Variants in LRSAM1 observed in about 807,000 individuals in gnomAD.
LRSAM1 encodes the protein E3 ubiquitin-protein ligase LRSAM1.
Under a neutral mutation model 118.1 loss-of-function variants are expected in LRSAM1, and 96 were observed. The ratio of observed to expected loss-of-function variants is 0.81; its 90% CI spans 0.69 to 0.96. LRSAM1 has a LOEUF of 0.96. LRSAM1 is among the 40% of genes least tolerant of loss of function. The pLI, the probability that LRSAM1 is intolerant of heterozygous loss-of-function variation, is 0.00. For synonymous variants in LRSAM1, 322 were observed against 364.2 expected (o/e 0.88, Z 1.32); for missense variants, 804 against 915.5 (o/e 0.88, Z 1.57).
chr9:127,489,485 G>A lies in LRSAM1; in HGVS notation c.1389G>A (p.Lys463=). 1 of 1,610,310 alleles carries A rather than the reference G, an allele frequency of 6.2e-7. No individual in the cohort carries two copies. The highest frequency in any genetic ancestry group is 8.5e-7 in the Non-Finnish European group (1 of 1,178,884). Residue 463 remains lysine, a synonymous_variant, in exon 19 of 26, where the codon AAG becomes AAA. Coordinates refer to ENST00000300417, the MANE Select transcript of LRSAM1 (RefSeq NM_001005373.4). ...QKAAFEALQV[K]KDLMHRQIRS... ...CTGCGTTCGAGGCACTCCAGGTGAAGAAAGACCTGATGCATCGGCAGATCA... is the reference window on the plus strand; with the variant it reads ...CTGCGTTCGAGGCACTCCAGGTGAAAAAAGACCTGATGCATCGGCAGATCA...
At chr9:127,490,706 T>C (rs1835902137) in intron 19 of LRSAM1, among the ~76,000 whole-genome samples, 1 of 152,148 alleles carries the variant, frequency 6.6e-6, no homozygotes, top group Non-Finnish European at 1.5e-5. Flanking sequence ...TGAAATATGA[T>C]ACATCAAGTG....
At position 127,459,755 on chromosome 9, in the gene LRSAM1, C is replaced by T. The variant is rs552759545; in HGVS notation, c.321+684C>T. Among the ~76,000 whole-genome samples the T allele has an allele frequency of 2.0e-5, 3 of 152,162 alleles. No individual in the cohort carries two copies. The East Asian group carries it at 5.8e-4, about 29-fold the overall frequency. On this transcript the variant is annotated intron_variant, in intron 7 of 25. Transcript: ENST00000300417. ...TGTATTTTCAGTAGAGACTTGTTTTCACCATGTTGGCCAGGCTGACCTCAA... is the reference window on the plus strand; with the variant it reads ...TGTATTTTCAGTAGAGACTTGTTTTTACCATGTTGGCCAGGCTGACCTCAA...
intron 18 of LRSAM1, among the ~76,000 whole-genome samples, chr9:127,489,120 G>A (rs1313322711): frequency 6.6e-6 from 1 of 152,184 alleles, no homozygotes; most frequent in African/African-American, 2.4e-5. Flanking sequence ...AGCTGGATAG[G>A]CTTGGTGTGT....
At chr9:127,458,430 A>G in intron 6 of LRSAM1, among the ~76,000 whole-genome samples, 1 of 151,484 alleles carries the variant, frequency 6.6e-6, no homozygotes. Flanking sequence ...AAAAAAAAAC[A>G]CCAGCAGAGC....
chr9:127,501,036 G>A lies in LRSAM1; in HGVS notation c.1939G>A (p.Val647Ile), dbSNP rs879254326. The stretch of plus-strand genomic sequence containing the variant: ...GCTGAAACCACCAATGGGTGAGGTC[G>A]TCACCCCTACGGCCCCCCAGGAGCC... The part of the protein sequence containing the change: ...PELKPPMGEV[V>I]TPTAPQEPPE... The change falls in exon 25 of 26, where the codon GTC becomes ATC. Residue 647 changes from valine (V) to isoleucine (I), a missense_variant. Transcript: ENST00000300417. The A allele has an allele frequency of 5.6e-6, 9 of 1,613,938 alleles. No homozygotes were observed. Among genetic ancestry groups the A allele is most frequent in the Middle Eastern group, 1.6e-4 (1 of 6,062 alleles).
intron 15 of LRSAM1, 69 bp downstream of exon 15, chr9:127,481,296 A>G: frequency 6.5e-7 from 1 of 1,528,822 alleles, no homozygotes; most frequent in Non-Finnish European, 8.9e-7. Context: ...CACTGTCGCC[A>G]GGCTGGAGTG....
chr9:127,458,883 G>T (rs1230137685), intron 6 of LRSAM1, 120 bp from the exon 7 acceptor site: 1 of 860,632 alleles, frequency 1.2e-6, no homozygotes, highest in African/African-American at 1.6e-5. Flanking sequence ...GAAAGGAGTG[G>T]CAGGCACTCT....
chr9:127,502,136 C>T (rs978231024), intron 25 of LRSAM1, among the ~76,000 whole-genome samples: 3 of 152,252 alleles, frequency 2.0e-5, no homozygotes, highest in Non-Finnish European at 4.4e-5. Flanking sequence ...CCCTGCGTGC[C>T]CTCCGGCAGG....
chr9:127,457,185 A>G, intron 5 of LRSAM1, 131 bp from the exon 6 acceptor site: 1 of 892,456 alleles, frequency 1.1e-6, no homozygotes, highest in East Asian at 2.6e-5. Flanking sequence ...ACTGACCCGC[A>G]TCCCCGTGGT....
Position 127,461,376 on chromosome 9 carries a change from G to A in LRSAM1, c.406+119G>A, listed in dbSNP as rs534613407. On this transcript the variant is annotated intron_variant, in intron 8 of 25. Coordinates refer to ENST00000300417, the MANE Select transcript of LRSAM1 (RefSeq NM_001005373.4). The stretch of plus-strand genomic sequence containing the variant: ...GCAGGAGGGCAGCCAGTCTCCGGGG[G>A]TCGCTGTAAATGGACTGACCCCTGC... 40 of 835,166 alleles carry A rather than the reference G, an allele frequency of 4.8e-5. No individual in the cohort carries two copies. In the South Asian group the frequency reaches 5.0e-4, roughly 10 times the overall value. 51.7% of individuals were successfully genotyped at this position (835,166 alleles called of 1,614,324 possible). A position where few individuals can be genotyped will look rare whatever the true frequency, so the allele number is the denominator to read the frequency against.
Position 127,502,686 on chromosome 9 carries a change from CAAAAAAAAAAAA to C in LRSAM1, c.2047-75_2047-64del, listed in dbSNP as rs71380066. 2.0e-5 allele frequency: 18 copies of C among 899,026 alleles called. No individual in the cohort carries two copies. The South Asian group carries it at 2.4e-4, about 12-fold the overall frequency. The allele number at this position is 899,026 out of a possible 1,614,324, so 55.7% of individuals were successfully genotyped here. A position where few individuals can be genotyped will look rare whatever the true frequency, so the allele number is the denominator to read the frequency against. Reference sequence around the variant, plus strand: ...TGGGCAACAGAGTGAGACTCTGTCTCAAAAAAAAAAAAAAAAAAAAAAAAGACGGGCCTGGGA... The same window carrying C: ...TGGGCAACAGAGTGAGACTCTGTCTCAAAAAAAAAAAAGACGGGCCTGGGA... On this transcript the variant is annotated intron_variant, in intron 25 of 25. Coordinates refer to ENST00000300417, the MANE Select transcript of LRSAM1 (RefSeq NM_001005373.4).
chr9:127,459,175 C>A, intron 7 of LRSAM1, 104 bp downstream of exon 7: 2 of 1,127,570 alleles, frequency 1.8e-6, no homozygotes, highest in Non-Finnish European at 2.6e-6. Flanking sequence ...TGGAAGCAGG[C>A]TGCAATCAGT....
chr9:127,484,744 G>C (rs1224261457), intron 16 of LRSAM1, among the ~76,000 whole-genome samples: 2 of 151,080 alleles, frequency 1.3e-5, no homozygotes, highest in African/African-American at 2.4e-5. Flanking sequence ...CTACAAATGT[G>C]TGTGTACAAA....
rs114553373 is a variant in LRSAM1 at position 127,462,883 on chromosome 9, G to C, written c.528+510G>C. On this transcript the variant is annotated intron_variant, in intron 9 of 25. Transcript: ENST00000300417. ...AAAAAAAAAAAGTTGTGATATTCAA[G>C]CCAGACCTTAAAGGAGGAATAAGAT... Among the ~76,000 whole-genome samples, 926 of 151,902 alleles carry C rather than the reference G, an allele frequency of 6.1e-3. 12 individuals carry two copies. The highest frequency in any genetic ancestry group is 0.021 in the African/African-American group (886 of 41,442).
chr9:127,458,338 C>T (rs1035393914), intron 6 of LRSAM1, among the ~76,000 whole-genome samples: 11 of 151,172 alleles, frequency 7.3e-5, no homozygotes, highest in African/African-American at 2.2e-4. Context: ...GCCGAGATTG[C>T]GCCACTGCAG....
In LRSAM1 at chr9:127,492,806, T is replaced by A; in HGVS notation, c.1508T>A (p.Met503Lys). Residue 503 changes from methionine (M) to lysine (K), a missense_variant, in exon 21 of 26, where the codon ATG (methionine) becomes AAG (lysine). Coordinates refer to ENST00000300417, the MANE Select transcript of LRSAM1 (RefSeq NM_001005373.4). The part of the protein sequence containing the change: ...KSLDTESLQE[M>K]ISEQRWALSS... ...GGGGTGTGGTCTTGTTCGCAGGAGA[T>A]GATCTCGGAGCAGCGCTGGGCCCTC... 6 of 1,613,714 alleles carry A rather than the reference T, an allele frequency of 3.7e-6. No homozygotes were observed. The highest frequency in any genetic ancestry group is 5.1e-6 in the Non-Finnish European group (6 of 1,179,992).
chr9:127,465,012 CCTT>C lies in LRSAM1; in HGVS notation c.528+2643_528+2645del, dbSNP rs746632020. Among the ~76,000 whole-genome samples the C allele has an allele frequency of 2.6e-5, 4 of 151,960 alleles. No individual in the cohort carries two copies. The highest frequency in any genetic ancestry group is 4.2e-4 in the South Asian group (2 of 4,786). On this transcript the variant is annotated intron_variant, in intron 9 of 25. Transcript: ENST00000300417. The surrounding 1 kb of genome is among the most constrained non-coding windows in gnomAD (Gnocchi z 4.1). Reference sequence around the variant, plus strand: ...GTTTCTTGGTGGCACCTCGGACAAACCTTCTTTTAGGATGAGATAACCGTTCTG... The same window carrying C: ...GTTTCTTGGTGGCACCTCGGACAAACCTTTTAGGATGAGATAACCGTTCTG...
At chr9:127,468,810 CAAAAAA>C (rs1185949155) in intron 10 of LRSAM1, among the ~76,000 whole-genome samples, 9 of 16,450 alleles carry the variant, frequency 5.5e-4, no homozygotes, top group South Asian at 2.3e-3. Context: ...CCTGTCTCTA[CAAAAAA>C]AAAAAAAAAA....
chr9:127,473,749 G>A, intron 10 of LRSAM1, 52 bp from the exon 11 acceptor site: 1 of 1,613,618 alleles, frequency 6.2e-7, no homozygotes. Flanking sequence ...GTGTCTCTGG[G>A]TACCTCAGCT....
Sources: allele counts gnomAD v4.1 joint callset (sites outside exome capture counted in the v4.1 genomes callset), GRCh38; gene constraint gnomAD v4.1.1; non-coding constraint Gnocchi (gnomAD v3.1); transcripts MANE v1.5; gene names NCBI Gene and HGNC (gene_info 2026-07-23, HGNC 2026-07-21).